The following ATP8A1 variants were observed in gnomAD, a reference collection of about 807,000 sequenced individuals.
ATP8A1 encodes phospholipid-transporting ATPase IA.
A neutral mutation model predicts 177.7 loss-of-function variants in ATP8A1; 90 were observed. The observed-to-expected ratio is 0.51, with a 90% CI of 0.43 to 0.60. The LOEUF (loss-of-function observed/expected upper bound fraction) is 0.60. Among genes scored for constraint, ATP8A1 ranks in the 20% least tolerant of loss-of-function variants. The pLI is 0.00. For synonymous variants in ATP8A1, 493 were observed against 485.9 expected (o/e 1.01, Z -0.19); for missense variants, 1,072 against 1,392.8 (o/e 0.77, Z 3.67).
chr4:42,487,585 AT>A (rs547832318), intron 24 of ATP8A1, among the ~76,000 whole-genome samples: 48 of 152,132 alleles, frequency 3.2e-4, no homozygotes, highest in African/African-American at 1.2e-3. Flanking sequence ...TTATATAACA[AT>A]TTTTATTATG....
intron 36 of ATP8A1, among the ~76,000 whole-genome samples, chr4:42,413,857 G>A (rs1342811369): frequency 6.6e-6 from 1 of 152,188 alleles, no homozygotes; most frequent in African/African-American, 2.4e-5. Context: ...AATTTAAAAA[G>A]GCGAGGAGGA....
At chr4:42,557,013 G>A (rs948636849) in intron 15 of ATP8A1, among the ~76,000 whole-genome samples, 2 of 152,078 alleles carry the variant, frequency 1.3e-5, no homozygotes. Flanking sequence ...TTGACAGGAC[G>A]GAAAACTCTT....
chr4:42,458,327 C>T (rs1718712372), intron 27 of ATP8A1, among the ~76,000 whole-genome samples: 1 of 152,182 alleles, frequency 6.6e-6, no homozygotes, highest in Non-Finnish European at 1.5e-5. Context: ...GAATTCAACT[C>T]CCAGCACCAC....
At chr4:42,615,054 C>A (rs543197658) in intron 5 of ATP8A1, among the ~76,000 whole-genome samples, 1 of 152,306 alleles carries the variant, frequency 6.6e-6, no homozygotes, top group Non-Finnish European at 1.5e-5. Context: ...TGTACTTTTA[C>A]ATGTTTTTAC....
At chr4:42,649,422 T>C (rs1338643622) in intron 1 of ATP8A1, among the ~76,000 whole-genome samples, 1 of 152,192 alleles carries the variant, frequency 6.6e-6, no homozygotes, top group Non-Finnish European at 1.5e-5. Context: ...GAAGGACATA[T>C]ACTAAAATTC....
chr4:42,556,606 G>A (rs1730261732), intron 15 of ATP8A1, among the ~76,000 whole-genome samples: 1 of 151,994 alleles, frequency 6.6e-6, no homozygotes, highest in Non-Finnish European at 1.5e-5. Context: ...AATAATAAAA[G>A]TATGGAATTT....
intron 35 of ATP8A1, 140 bp downstream of exon 35, chr4:42,422,667 A>T (rs576674381): frequency 3.9e-5 from 25 of 648,584 alleles, no homozygotes; most frequent in East Asian, 2.7e-4. Context: ...TTAAATCCAC[A>T]TGTCTCTGAC....
rs771647511 is a variant in ATP8A1, at chr4:42,455,316, G to A, written c.2798C>T (p.Ala933Val). The part of the protein sequence containing the change: ...YPELYKTSQN[A>V]LDFNTKVFWV... ...TCCTACCTTGGTGTTGAAGTCCAGG[G>A]CATTCTGAGATGTTTTGTATAATTC... Residue 933 changes from alanine (A) to valine (V), a missense_variant, in exon 29 of 37, where the codon GCC (alanine) becomes GTC (valine). Ala to Val is a moderately conservative substitution (Grantham distance 64). Transcript: ENST00000381668. The A allele has an allele frequency of 7.4e-6, 12 of 1,613,750 alleles. No homozygotes were observed. In the Admixed American group the frequency reaches 1.8e-4, roughly 25 times the overall value.
rs745575593 is a variant in ATP8A1 at position 42,422,898 on chromosome 4, T to C, written c.3214A>G (p.Ile1072Val). The change falls in exon 35 of 37, where the codon ATC becomes GTC. Residue 1072 changes from isoleucine (I) to valine (V), a missense_variant and splice_region_variant. Ile to Val is a conservative substitution (Grantham distance 29). This residue lies in a region of ATP8A1 where 316 missense variants were observed against 459.1 expected (regional missense o/e 0.69). Transcript: ENST00000381668. The stretch of plus-strand genomic sequence containing the variant: ...AATGTTTTAAAAGCAGTCCTCTTGA[T>C]ACTGCAAAAAGAAAAAAAAAGGGAT... ...SLLLDVVYKV[I>V]KRTAFKTLVD... 1.2e-6 allele frequency: 2 copies of C among 1,604,984 alleles called. No homozygotes were observed. The highest frequency in any genetic ancestry group is 1.3e-5 in the African/African-American group (1 of 74,526).
chr4:42,505,608 T>C (rs1385060946), intron 23 of ATP8A1, among the ~76,000 whole-genome samples: 2 of 152,202 alleles, frequency 1.3e-5, no homozygotes, highest in African/African-American at 4.8e-5. Context: ...GTTCTACTAG[T>C]TTTTAAAAAA....
chr4:42,603,012 C>T (rs1290728928), intron 5 of ATP8A1, among the ~76,000 whole-genome samples: 6 of 151,894 alleles, frequency 4.0e-5, no homozygotes, highest in African/African-American at 1.2e-4. Flanking sequence ...TTATTTCCTT[C>T]GGATCCTATC....
chr4:42,441,017 C>A (rs1016542015), intron 33 of ATP8A1, among the ~76,000 whole-genome samples: 9 of 152,144 alleles, frequency 5.9e-5, no homozygotes, highest in Admixed American at 5.2e-4. Context: ...ACTTATGACC[C>A]TGTTAGTGGT....
chr4:42,486,246 T>TA (rs1185883513), intron 24 of ATP8A1, among the ~76,000 whole-genome samples: 1 of 151,890 alleles, frequency 6.6e-6, no homozygotes, highest in Non-Finnish European at 1.5e-5. Flanking sequence ...GAGGCAAAGG[T>TA]AAAGGAGAAC....
chr4:42,481,825 C>T (rs929581245), intron 25 of ATP8A1, among the ~76,000 whole-genome samples: 17 of 152,206 alleles, frequency 1.1e-4, no homozygotes, highest in Middle Eastern at 3.4e-3. Context: ...CAAAAGTATC[C>T]GTGATCACAC....
In ATP8A1 at chr4:42,452,000, T is replaced by C. The variant is rs1315696403; in HGVS notation, c.2877A>G (p.Pro959=). 1 of 1,613,050 alleles carries C rather than the reference T, an allele frequency of 6.2e-7. No homozygotes were observed. Among genetic ancestry groups the C allele is most frequent in the East Asian group, 2.2e-5 (1 of 44,776 alleles). Residue 959 remains proline (P), a synonymous_variant, in exon 30 of 37, where the codon CCA becomes CCG. Coordinates refer to ENST00000381668, the MANE Select transcript of ATP8A1 (RefSeq NM_006095.2). ...ACTTACCATACTGAAGGGCTTTTAGTGGAAACCAAAACAGAATAACTGAGT... is the reference window on the plus strand; with the variant it reads ...ACTTACCATACTGAAGGGCTTTTAGCGGAAACCAAAACAGAATAACTGAGT... ...LFHSVILFWF[P]LKALQYGTAF...
At chr4:42,551,336 G>T in intron 17 of ATP8A1, 56 bp from the exon 18 acceptor site, 1 of 1,263,264 alleles carries the variant, frequency 7.9e-7, no homozygotes, top group Non-Finnish European at 1.2e-6. Flanking sequence ...AATATTCTCA[G>T]CACAAGAGAA....
chr4:42,500,442 C>A (rs954516024), intron 24 of ATP8A1, among the ~76,000 whole-genome samples: 3 of 152,088 alleles, frequency 2.0e-5, no homozygotes, highest in Non-Finnish European at 2.9e-5. Flanking sequence ...AGAACACAAT[C>A]AGAACTCCTA....
rs989617040 is a variant in ATP8A1, at chr4:42,581,229, A to G, written c.834+392T>C. ...GCTCACTGCAAGCTCCGCCTCCTGG[A>G]TTCACGCCATTCTCCTGCCTCAGCC... On this transcript the variant is annotated intron_variant, in intron 10 of 36. Transcript: ENST00000381668. 5.3e-5 allele frequency among the ~76,000 whole-genome samples: 8 copies of G among 151,780 alleles called. 1 individual carries two copies. The highest frequency in any genetic ancestry group is 2.6e-4 in the Admixed American group (4 of 15,252).
chr4:42,500,479 G>C (rs7685672), intron 24 of ATP8A1, among the ~76,000 whole-genome samples: 2,647 of 152,166 alleles, frequency 0.017, 74 homozygotes, highest in African/African-American at 0.059. Flanking sequence ...CAGCACTATA[G>C]AAAGTTATTC....
Sources: gnomAD v4.1 joint callset for allele counts (sites outside exome capture counted in the v4.1 genomes callset) on GRCh38, gnomAD v4.1.1 for gene constraint, gnomAD v4.1.1 regional missense constraint, MANE v1.5 for transcripts, NCBI Gene and HGNC (gene_info 2026-07-23, HGNC 2026-07-21) for gene names.